KCNH1: variants seen among roughly 807,000 people sequenced by gnomAD.
The protein encoded by KCNH1 is potassium voltage-gated channel subfamily H member 1.
KCNH1 carries 27 observed loss-of-function variants against 69.2 expected under a neutral mutation model. That is an observed-to-expected ratio of 0.39 (90% CI 0.29 to 0.54). KCNH1 has a LOEUF of 0.54. Among genes scored for constraint, KCNH1 ranks in the 20% least tolerant of loss-of-function variants. The pLI is 0.68. For missense variants in KCNH1, 798 were observed against 1,261.6 expected (o/e 0.63, Z 5.57); for synonymous variants, 456 against 487.7 (o/e 0.93, Z 0.86).
intron 1 of KCNH1, among the ~76,000 whole-genome samples, chr1:211,124,552 G>T (rs192592567): frequency 8.6e-4 from 131 of 152,174 alleles, no homozygotes; most frequent in African/African-American, 2.9e-3. Context: ...GCTAAGCCAG[G>T]GAAATCGCAA....
chr1:210,957,912 C>T (rs1239692507), intron 6 of KCNH1, among the ~76,000 whole-genome samples: 1 of 152,000 alleles, frequency 6.6e-6, no homozygotes, highest in East Asian at 1.9e-4. Context: ...AGCCCATTTA[C>T]ATTTAAGGTT....
chr1:211,107,126 G>A, intron 2 of KCNH1, 128 bp downstream of exon 2: 2 of 959,868 alleles, frequency 2.1e-6, no homozygotes, highest in Non-Finnish European at 3.2e-6. Context: ...GAGATGATAT[G>A]GCAATAAATT....
intron 6 of KCNH1, among the ~76,000 whole-genome samples, chr1:211,014,930 T>C (rs1305631399): frequency 6.6e-6 from 1 of 152,192 alleles, no homozygotes. Context: ...ATCAGAATTC[T>C]CCAACCCAGG....
intron 5 of KCNH1, among the ~76,000 whole-genome samples, chr1:211,027,286 T>TA (rs973668379): frequency 7.3e-5 from 11 of 151,652 alleles, no homozygotes; most frequent in African/African-American, 2.2e-4. Context: ...ATAACGAATA[T>TA]AAAAAAAATC....
intron 10 of KCNH1, among the ~76,000 whole-genome samples, chr1:210,710,466 A>G (rs1266091665): frequency 1.3e-5 from 2 of 152,188 alleles, no homozygotes; most frequent in East Asian, 1.9e-4. Flanking sequence ...TTTAGGCTAC[A>G]CTAAAGTTTT....
chr1:210,703,833 T>G (rs1681839534), intron 10 of KCNH1, among the ~76,000 whole-genome samples: 1 of 152,186 alleles, frequency 6.6e-6, no homozygotes, highest in African/African-American at 2.4e-5. Flanking sequence ...GGGCTTGTGC[T>G]TAGTTTCTAA....
rs114083550 is a variant in KCNH1 at position 211,089,579 on chromosome 1, T to C, written c.439+983A>G. ...GAGAGAGCAGCCACATAATGCTTTT[T>C]ATTTCCTCCTATAATGCTCATTTAA... is the stretch of plus-strand genomic sequence containing the variant. On this transcript the variant is annotated intron_variant, in intron 4 of 10. Transcript: ENST00000271751. Among the ~76,000 whole-genome samples the C allele has an allele frequency of 3.6e-3, 543 of 152,314 alleles. 7 individuals are homozygous for C. The highest frequency in any genetic ancestry group is 0.013 in the African/African-American group (520 of 41,568).
At chr1:211,031,715 T>C (rs1398447279) in intron 5 of KCNH1, among the ~76,000 whole-genome samples, 1 of 152,132 alleles carries the variant, frequency 6.6e-6, no homozygotes, top group Non-Finnish European at 1.5e-5. Context: ...CAACAACCCT[T>C]CCTGCTAAAA....
chr1:210,869,750 T>C (rs2102493027), intron 7 of KCNH1, among the ~76,000 whole-genome samples: 1 of 152,232 alleles, frequency 6.6e-6, no homozygotes, highest in East Asian at 1.9e-4. Context: ...GTGACTTATT[T>C]TGGAATGCCC....
intron 7 of KCNH1, among the ~76,000 whole-genome samples, chr1:210,869,819 A>G (rs1046810764): frequency 2.6e-5 from 4 of 152,136 alleles, no homozygotes; most frequent in Non-Finnish European, 4.4e-5. Context: ...AACTTCTACC[A>G]GCCCTGTATT....
Position 210,679,719 on chromosome 1 carries a change from T to G in KCNH1, c.*3562A>C, listed in dbSNP as rs1681217945. On this transcript the variant is annotated 3_prime_UTR_variant, in exon 11 of 11. Transcript: ENST00000271751. ...CCTCCCCACTTTTGAAAGAGGAGGA[T>G]TCCAGGAAAGGGGCTGATGTTTGGC... 6.6e-6 allele frequency: 1 copy of G among 152,138 alleles called. No individual in the cohort carries two copies. The highest frequency in any genetic ancestry group is 1.5e-5 in the Non-Finnish European group (1 of 68,024). 9.4% of individuals were successfully genotyped at this position (152,138 alleles called of 1,614,324 possible).
rs1358619632 is a variant in KCNH1 at position 210,683,424 on chromosome 1, TG to T, written c.2826del (p.Met944Ter). 1 of 1,614,184 alleles carries T rather than the reference TG, an allele frequency of 6.2e-7. No homozygotes were observed. Among genetic ancestry groups the T allele is most frequent in the East Asian group, 2.2e-5 (1 of 44,874 alleles). ...AGCTGTTTCTCAATATTGGTCATTT[TG>T]GCGTTTAAGGCCTTGATGTCCTCCT... ...ELKEDIKALN[A>X]KMTNIEKQLS... On this transcript the variant is annotated frameshift_variant, in exon 11 of 11. Transcript: ENST00000271751. LOFTEE classifies it high-confidence loss of function. The surrounding 1 kb of genome is among the most constrained non-coding windows in gnomAD (Gnocchi z 5.7).
At chr1:211,066,663 C>T (rs373443408) in intron 5 of KCNH1, among the ~76,000 whole-genome samples, 1 of 152,044 alleles carries the variant, frequency 6.6e-6, no homozygotes, top group Non-Finnish European at 1.5e-5. Context: ...ACATATTATC[C>T]TCATTTCAAA....
intron 10 of KCNH1, among the ~76,000 whole-genome samples, chr1:210,754,891 A>T (rs1365170923): frequency 6.6e-6 from 1 of 150,850 alleles, no homozygotes; most frequent in Non-Finnish European, 1.5e-5. Flanking sequence ...GACACATACA[A>T]AGACACACAC....
At chr1:210,737,523 C>T (rs556357304) in intron 10 of KCNH1, among the ~76,000 whole-genome samples, 17 of 152,244 alleles carry the variant, frequency 1.1e-4, no homozygotes, top group African/African-American at 4.1e-4. Flanking sequence ...ATCATCTCAC[C>T]CAGTCTCATG....
At chr1:211,062,096 C>T (rs558548174) in intron 5 of KCNH1, among the ~76,000 whole-genome samples, 23 of 151,996 alleles carry the variant, frequency 1.5e-4, no homozygotes, top group South Asian at 4.2e-4. Context: ...CAAAATAGCA[C>T]GGTACTCACA....
intron 9 of KCNH1, among the ~76,000 whole-genome samples, chr1:210,796,004 A>AC (rs1684307003): frequency 2.1e-5 from 2 of 96,474 alleles, no homozygotes; most frequent in African/African-American, 3.7e-5. Flanking sequence ...CACACACACA[A>AC]ATTAGCTGGG....
At chr1:211,026,002 C>T (rs537673326) in intron 5 of KCNH1, among the ~76,000 whole-genome samples, 109 of 152,152 alleles carry the variant, frequency 7.2e-4, no homozygotes, top group Non-Finnish European at 8.5e-4. Flanking sequence ...CTAGCATTGG[C>T]CCCCTGGACT....
chr1:210,924,269 G>T (rs1687522511), intron 6 of KCNH1, among the ~76,000 whole-genome samples: 1 of 152,210 alleles, frequency 6.6e-6, no homozygotes, highest in African/African-American at 2.4e-5. Flanking sequence ...CCTAGGGAAT[G>T]AATACACCCA....
Sources: gnomAD v4.1 joint callset for allele counts (sites outside exome capture counted in the v4.1 genomes callset) on GRCh38, gnomAD v4.1.1 for gene constraint, Gnocchi (gnomAD v3.1) non-coding constraint, MANE v1.5 for transcripts, NCBI Gene and HGNC (gene_info 2026-07-23, HGNC 2026-07-21) for gene names.